Variants in STX8 observed in about 807,000 individuals in gnomAD.
The protein encoded by STX8 is syntaxin-8.
A neutral mutation model predicts 37.5 loss-of-function variants in STX8; 23 were observed. That is an observed-to-expected ratio of 0.61 (90% CI 0.44 to 0.87). The LOEUF (loss-of-function observed/expected upper bound fraction) is 0.87. Ranked by LOEUF, STX8 falls within the 40% of genes least tolerant of loss-of-function variation. The pLI, the probability that STX8 is intolerant of heterozygous loss-of-function variation, is 0.00. For missense variants in STX8, 313 were observed against 284.7 expected, an observed-to-expected ratio of 1.10 and a Z score of -0.71; for synonymous variants, 115 against 99.1, an observed-to-expected ratio of 1.16 and a Z score of -0.95.
chr17:9,532,160 A>AG (rs1357137526), intron 4 of STX8, among the ~76,000 whole-genome samples: 1 of 148,884 alleles, frequency 6.7e-6, no homozygotes, highest in African/African-American at 2.6e-5. Flanking sequence ...TCCCATGGTG[A>AG]GGGAAAAAAA....
intron 7 of STX8, among the ~76,000 whole-genome samples, chr17:9,262,900 G>C (rs555746683): frequency 6.6e-6 from 1 of 152,190 alleles, no homozygotes; most frequent in Non-Finnish European, 1.5e-5. Flanking sequence ...TAACCTAAAC[G>C]AGCCAAAGTC....
chr17:9,527,251 C>T (rs191331824), intron 4 of STX8, among the ~76,000 whole-genome samples: 1 of 145,788 alleles, frequency 6.9e-6, no homozygotes, highest in East Asian at 2.0e-4. Context: ...AGAATCCAGC[C>T]TGGGCAACAG....
At chr17:9,489,184 GT>G (rs1236592290) in intron 6 of STX8, among the ~76,000 whole-genome samples, 2 of 152,118 alleles carry the variant, frequency 1.3e-5, no homozygotes, top group African/African-American at 4.8e-5. Flanking sequence ...GCCTTGTGTT[GT>G]TTTAAGCCAC....
chr17:9,272,985 T>G lies in STX8; in HGVS notation c.644-22340A>C, dbSNP rs939130316. Among the ~76,000 whole-genome samples, 4 of 152,164 alleles carry G rather than the reference T, an allele frequency of 2.6e-5. No individual in the cohort carries two copies. In the South Asian group the frequency reaches 6.2e-4, roughly 24 times the overall value. ...CACATTATTTATAATATTCCGAACATCCATCGAGCCTGGCTAGAATGCGAA... is the reference window on the plus strand; with the variant it reads ...CACATTATTTATAATATTCCGAACAGCCATCGAGCCTGGCTAGAATGCGAA... On this transcript the variant is annotated intron_variant, in intron 7 of 7. Transcript: ENST00000306357.
intron 7 of STX8, among the ~76,000 whole-genome samples, chr17:9,278,793 G>A (rs1427177648): frequency 1.3e-5 from 2 of 152,060 alleles, no homozygotes; most frequent in African/African-American, 2.4e-5. Context: ...AGGGAGATCG[G>A]GCAGGGTGGG....
chr17:9,379,154 A>C (rs1192835183), intron 6 of STX8, among the ~76,000 whole-genome samples: 4 of 151,104 alleles, frequency 2.6e-5, no homozygotes, highest in African/African-American at 9.7e-5. Context: ...CTGAGGTAGG[A>C]GAATCGCTTG....
intron 7 of STX8, among the ~76,000 whole-genome samples, chr17:9,258,481 G>A (rs554729761): frequency 5.5e-4 from 84 of 152,328 alleles, no homozygotes; most frequent in African/African-American, 1.9e-3. Flanking sequence ...TGCTCTGCTG[G>A]GGGACCCAGA....
intron 6 of STX8, among the ~76,000 whole-genome samples, chr17:9,433,450 T>C (rs549834475): frequency 2.2e-4 from 34 of 152,326 alleles, no homozygotes; most frequent in African/African-American, 8.2e-4. Context: ...CGGCCCACAA[T>C]ATCACTCATG....
intron 6 of STX8, among the ~76,000 whole-genome samples, chr17:9,411,263 T>C (rs1912968848): frequency 6.6e-6 from 1 of 152,230 alleles, no homozygotes; most frequent in South Asian, 2.1e-4. Context: ...AATGATGTTC[T>C]CAATGTCTCT....
At chr17:9,321,337 C>T (rs1307648468) in intron 7 of STX8, among the ~76,000 whole-genome samples, 1 of 151,998 alleles carries the variant, frequency 6.6e-6, no homozygotes, top group East Asian at 2.0e-4. Flanking sequence ...CGAGATCAGC[C>T]TGGCCAACAT....
At chr17:9,355,290 A>G (rs1910838205) in intron 7 of STX8, among the ~76,000 whole-genome samples, 1 of 142,174 alleles carries the variant, frequency 7.0e-6, no homozygotes, top group South Asian at 2.2e-4. Flanking sequence ...GGATCCTCTA[A>G]TTTTGATATC....
chr17:9,260,429 G>C lies in STX8; in HGVS notation c.644-9784C>G, dbSNP rs182810125. ...CCCTGAGGCCGGGAGTTTGAGACCA[G>C]CCGGGCCAACATGGTGAAACCCTGT... On this transcript the variant is annotated intron_variant, in intron 7 of 7. Transcript: ENST00000306357. 5.4e-3 allele frequency among the ~76,000 whole-genome samples: 829 copies of C among 152,288 alleles called. 6 individuals carry two copies. The highest frequency in any genetic ancestry group is 0.028 in the South Asian group (136 of 4,826).
chr17:9,320,772 G>T (rs560852839), intron 7 of STX8, among the ~76,000 whole-genome samples: 1 of 151,486 alleles, frequency 6.6e-6, no homozygotes, highest in East Asian at 1.9e-4. Context: ...GTGGTGGCGT[G>T]CACCTCTAGT....
At chr17:9,441,685 T>C (rs986876780) in intron 6 of STX8, among the ~76,000 whole-genome samples, 1 of 143,626 alleles carries the variant, frequency 7.0e-6, no homozygotes, top group Admixed American at 6.9e-5. Flanking sequence ...TTTTTTTTTT[T>C]TTTTTTTTTG....
intron 7 of STX8, among the ~76,000 whole-genome samples, chr17:9,359,503 A>ATT (rs145808683): frequency 0.028 from 2,607 of 91,498 alleles, 75 homozygotes; most frequent in African/African-American, 0.077. Flanking sequence ...GCTGAGACAT[A>ATT]TTTTTTTTTT....
At chr17:9,421,592 G>C (rs551180902) in intron 6 of STX8, among the ~76,000 whole-genome samples, 1 of 151,300 alleles carries the variant, frequency 6.6e-6, no homozygotes, top group South Asian at 2.1e-4. Flanking sequence ...TTTTATTGAG[G>C]TGAAATTCAG....
At chr17:9,285,111 C>T (rs1295428612) in intron 7 of STX8, among the ~76,000 whole-genome samples, 5 of 152,028 alleles carry the variant, frequency 3.3e-5, no homozygotes, top group Admixed American at 6.5e-5. Context: ...GTAAGAGCAT[C>T]GTGTGATTCT....
chr17:9,412,463 G>A (rs1040713443), intron 6 of STX8, among the ~76,000 whole-genome samples: 1 of 152,100 alleles, frequency 6.6e-6, no homozygotes, highest in Non-Finnish European at 1.5e-5. Flanking sequence ...ATTTTTAGTA[G>A]AGACAGGTTT....
rs528027373 is a variant in STX8, at chr17:9,454,855, T to C, written c.541+36974A>G. Among the ~76,000 whole-genome samples, 641 of 152,132 alleles carry C rather than the reference T, an allele frequency of 4.2e-3. 5 individuals are homozygous for C. Among genetic ancestry groups the C allele is most frequent in the African/African-American group, 0.014 (599 of 41,524 alleles). ...GGGGGCAGAGGATGGATCATCCTCT[T>C]TGGAGACAAAAAAAATTATCTTACA... On this transcript the variant is annotated intron_variant, in intron 6 of 7. Coordinates refer to ENST00000306357, the MANE Select transcript of STX8 (RefSeq NM_004853.3).
Sources: gnomAD v4.1 joint callset for allele counts (sites outside exome capture counted in the v4.1 genomes callset) on GRCh38, gnomAD v4.1.1 for gene constraint, MANE v1.5 for transcripts, NCBI Gene and HGNC (gene_info 2026-07-23, HGNC 2026-07-21) for gene names.